Variants in ELOVL5 observed in about 807,000 individuals in gnomAD.
The protein encoded by ELOVL5 is ELOVL fatty acid elongase 5, also known as very long chain fatty acid elongase 5.
ELOVL5 carries 8 observed loss-of-function variants against 38.6 expected under a neutral mutation model. The ratio of observed to expected loss-of-function variants is 0.21; its 90% CI spans 0.12 to 0.37. ELOVL5 has a LOEUF of 0.37. ELOVL5 is among the 10% of genes least tolerant of loss of function. The probability of loss-of-function intolerance (pLI) is 1.00; values close to 1 mark genes in which losing one functional copy is unlikely to be tolerated. For missense variants in ELOVL5, 280 were observed against 367.8 expected (o/e 0.76, Z 1.95); for synonymous variants, 127 against 133.7 (o/e 0.95, Z 0.34).
chr6:53,340,979 C>T lies in ELOVL5; in HGVS notation c.-9+7838G>A, dbSNP rs114323335. Among the ~76,000 whole-genome samples, 662 of 152,232 alleles carry T rather than the reference C, an allele frequency of 4.3e-3. 8 individuals are homozygous for T. Among genetic ancestry groups the T allele is most frequent in the African/African-American group, 0.015 (638 of 41,514 alleles). The stretch of plus-strand genomic sequence containing the variant: ...AAATCAAACCAGATGGGGCTAGGAC[C>T]GGGTAAGGAAACCAATGCTGGATGC... On this transcript the variant is annotated intron_variant, in intron 1 of 7. Transcript: ENST00000304434.
chr6:53,334,037 C>T (rs983402365), intron 1 of ELOVL5, among the ~76,000 whole-genome samples: 1 of 152,096 alleles, frequency 6.6e-6, no homozygotes, highest in African/African-American at 2.4e-5. Context: ...TCCTATTTCC[C>T]AGGAAATAGG....
rs1164453077 is a variant in ELOVL5 at position 53,291,835 on chromosome 6, C to T, written c.187G>A (p.Gly63Arg). ...CCAAGGTTATACACCACTAAAATCC[C>T]CCGGCAAGAGAATGGCTGTTTATTC... ...MRNKQPFSCR[G>R]ILVVYNLGLT... Residue 63 changes from glycine to arginine, a missense_variant, in exon 3 of 8, where the codon GGG (glycine) becomes AGG (arginine). This residue lies in a region of ELOVL5 where 150 missense variants were observed against 178.0 expected (regional missense o/e 0.84). Coordinates refer to ENST00000304434, the MANE Select transcript of ELOVL5 (RefSeq NM_021814.5). 2.5e-6 allele frequency: 4 copies of T among 1,613,836 alleles called. No homozygotes were observed. Among genetic ancestry groups the T allele is most frequent in the Non-Finnish European group, 3.4e-6 (4 of 1,179,952 alleles).
chr6:53,287,955 C>T (rs1485963585), intron 3 of ELOVL5: 1 of 1,534,560 alleles, frequency 6.5e-7, no homozygotes, highest in Non-Finnish European at 8.7e-7. Context: ...GTAACAAACA[C>T]AATTAGATCC....
At chr6:53,283,120 A>G (rs535349743) in intron 3 of ELOVL5, among the ~76,000 whole-genome samples, 2 of 152,368 alleles carry the variant, frequency 1.3e-5, no homozygotes, top group East Asian at 3.9e-4. Context: ...GCAACGTGGC[A>G]AACTGAACAA....
intron 1 of ELOVL5, among the ~76,000 whole-genome samples, chr6:53,312,248 C>T (rs995150594): frequency 5.9e-5 from 9 of 152,146 alleles, no homozygotes; most frequent in African/African-American, 1.9e-4. Context: ...AACCTGTACA[C>T]GAATGTTCAC....
chr6:53,292,360 G>A (rs551969904), intron 2 of ELOVL5, among the ~76,000 whole-genome samples: 1 of 152,254 alleles, frequency 6.6e-6, no homozygotes, highest in Non-Finnish European at 1.5e-5. Context: ...TCAGCTGTGT[G>A]TCAGTCGGCA....
intron 3 of ELOVL5, among the ~76,000 whole-genome samples, chr6:53,278,126 T>C (rs979593913): frequency 6.6e-6 from 1 of 152,252 alleles, no homozygotes; most frequent in African/African-American, 2.4e-5. Context: ...TTTGGAAATG[T>C]TACCATTTTA....
chr6:53,288,349 C>T (rs1766649103), intron 3 of ELOVL5, among the ~76,000 whole-genome samples: 2 of 152,174 alleles, frequency 1.3e-5, no homozygotes, highest in South Asian at 4.1e-4. Flanking sequence ...TTTTACAAAG[C>T]TAAGTAACTA....
At chr6:53,335,994 A>C (rs1279272492) in intron 1 of ELOVL5, among the ~76,000 whole-genome samples, 1 of 152,198 alleles carries the variant, frequency 6.6e-6, no homozygotes, top group Admixed American at 6.5e-5. Flanking sequence ...CCTGCCTTTC[A>C]TAAGAGATAC....
Position 53,269,001 on chromosome 6 carries a change from A to T in ELOVL5, c.*126T>A, listed in dbSNP as rs1053413897. The T allele has an allele frequency of 2.2e-4, 230 of 1,065,780 alleles. No homozygotes were observed. The highest frequency in any genetic ancestry group is 3.2e-4 in the Middle Eastern group (1 of 3,142). 66.0% of individuals were successfully genotyped at this position (1,065,780 alleles called of 1,614,324 possible). A position where few individuals can be genotyped will look rare whatever the true frequency, so the allele number is the denominator to read the frequency against. On this transcript the variant is annotated 3_prime_UTR_variant, in exon 8 of 8. Transcript: ENST00000304434. The stretch of plus-strand genomic sequence containing the variant: ...CTAGGGGTTTTGAATTGATGAAAGA[A>T]GTCCTACATGAATCACACTATTGTA...
chr6:53,274,021 T>A (rs1292501758), intron 5 of ELOVL5, among the ~76,000 whole-genome samples: 1 of 152,222 alleles, frequency 6.6e-6, no homozygotes, highest in Admixed American at 6.5e-5. Flanking sequence ...AGCCTGGTGT[T>A]AGGGAAGTTT....
At chr6:53,311,920 G>A (rs1767852847) in intron 1 of ELOVL5, among the ~76,000 whole-genome samples, 1 of 152,144 alleles carries the variant, frequency 6.6e-6, no homozygotes, top group Admixed American at 6.5e-5. Context: ...AAGAAAAGGA[G>A]AGGTACTTTA....
At chr6:53,340,994 A>G (rs539823820) in intron 1 of ELOVL5, among the ~76,000 whole-genome samples, 25 of 152,292 alleles carry the variant, frequency 1.6e-4, no homozygotes, top group African/African-American at 5.5e-4. Flanking sequence ...AAGGAAACCA[A>G]TGCTGGATGC....
chr6:53,286,539 C>A (rs537947756), intron 3 of ELOVL5, among the ~76,000 whole-genome samples: 3 of 152,176 alleles, frequency 2.0e-5, no homozygotes, highest in African/African-American at 7.2e-5. Flanking sequence ...TGAACTCCAG[C>A]CGGGGTAACA....
At chr6:53,285,020 G>C (rs1026434239) in intron 3 of ELOVL5, among the ~76,000 whole-genome samples, 1 of 152,070 alleles carries the variant, frequency 6.6e-6, no homozygotes, top group Admixed American at 6.6e-5. Flanking sequence ...ATTGAAATTG[G>C]GTTAATAATC....
intron 1 of ELOVL5, among the ~76,000 whole-genome samples, chr6:53,309,882 A>G (rs1767758943): frequency 6.6e-6 from 1 of 152,226 alleles, no homozygotes; most frequent in African/African-American, 2.4e-5. Context: ...ATGCAGCCTC[A>G]TGAAAGACCC....
Position 53,270,744 on chromosome 6 carries a change from G to T in ELOVL5, c.622-17C>A. The stretch of plus-strand genomic sequence containing the variant: ...AAACTGAAGCTAGGGGAACAGAGGG[G>T]ATGCAGCTGAACAGGGACAGTGCAT... On this transcript the variant is annotated splice_polypyrimidine_tract_variant and intron_variant, in intron 6 of 7. Transcript: ENST00000304434. The T allele has an allele frequency of 6.2e-7, 1 of 1,614,062 alleles. No homozygotes were observed. Among genetic ancestry groups the T allele is most frequent in the Non-Finnish European group, 8.5e-7 (1 of 1,179,970 alleles).
At chr6:53,348,769 G>A (rs762811351) in intron 1 of ELOVL5, 48 bp downstream of exon 1, 6 of 452,912 alleles carry the variant, frequency 1.3e-5, no homozygotes, top group Admixed American at 2.4e-5. Flanking sequence ...CGGGTGTCAT[G>A]GCCGAGCGGC....
chr6:53,287,902 C>T lies in ELOVL5; in HGVS notation c.246+3874G>A, dbSNP rs1343832021. The T allele has an allele frequency of 2.7e-5, 41 of 1,535,706 alleles. No homozygotes were observed. The highest frequency in any genetic ancestry group is 3.5e-5 in the Non-Finnish European group (40 of 1,146,902). On this transcript the variant is annotated intron_variant, in intron 3 of 7. Transcript: ENST00000304434. Reference sequence around the variant, plus strand: ...CTGCTGCTGAGTCGAAGGATCAGTTCGTGAGGCACAGGCAGATCGACGGGG... The same window carrying T: ...CTGCTGCTGAGTCGAAGGATCAGTTTGTGAGGCACAGGCAGATCGACGGGG...
Sources: allele counts gnomAD v4.1 joint callset (sites outside exome capture counted in the v4.1 genomes callset), GRCh38; gene constraint gnomAD v4.1.1; regional missense constraint gnomAD v4.1.1; transcripts MANE v1.5; gene names NCBI Gene and HGNC (gene_info 2026-07-23, HGNC 2026-07-21).